Variants in TRAPPC9 observed in about 807,000 individuals in gnomAD.
TRAPPC9 encodes the protein trafficking protein particle complex subunit 9.
In TRAPPC9, 83 loss-of-function variants were observed where a neutral mutation model predicts 124.0. The ratio of observed to expected loss-of-function variants is 0.67; its 90% CI spans 0.56 to 0.80. TRAPPC9 has a LOEUF of 0.80. Among genes scored for constraint, TRAPPC9 ranks in the 30% least tolerant of loss-of-function variants. The pLI, the probability that TRAPPC9 is intolerant of heterozygous loss-of-function variation, is 0.00. For synonymous variants in TRAPPC9, 638 were observed against 617.5 expected (o/e 1.03, Z -0.49); for missense variants, 1,302 against 1,508.3 (o/e 0.86, Z 2.27).
At chr8:140,373,743 G>A (rs1452174719) in intron 7 of TRAPPC9, among the ~76,000 whole-genome samples, 2 of 151,596 alleles carry the variant, frequency 1.3e-5, no homozygotes, top group Non-Finnish European at 2.9e-5. Flanking sequence ...AGACGTTGTG[G>A]TGGCTTTAAC....
intron 17 of TRAPPC9, among the ~76,000 whole-genome samples, chr8:140,061,491 G>T (rs1013943158): frequency 6.6e-6 from 1 of 152,152 alleles, no homozygotes; most frequent in East Asian, 1.9e-4. Context: ...CACAGGCCAC[G>T]GCACAGTGAG....
At chr8:140,135,763 G>GA (rs1264507545) in intron 17 of TRAPPC9, among the ~76,000 whole-genome samples, 1 of 152,228 alleles carries the variant, frequency 6.6e-6, no homozygotes, top group Admixed American at 6.5e-5. Context: ...TTGCACATGT[G>GA]AAAATGGTTG....
chr8:140,336,168 C>T (rs1204799021), intron 9 of TRAPPC9, among the ~76,000 whole-genome samples: 1 of 152,130 alleles, frequency 6.6e-6, no homozygotes, highest in Non-Finnish European at 1.5e-5. Context: ...TTTTCTCCCC[C>T]ATGATGAAGC....
At chr8:139,766,282 G>A (rs1328830519) in intron 21 of TRAPPC9, among the ~76,000 whole-genome samples, 53 of 152,108 alleles carry the variant, frequency 3.5e-4, no homozygotes, top group Admixed American at 3.3e-3. Flanking sequence ...GAGGGGGCAG[G>A]CCAGGGAGTG....
At chr8:140,271,485 G>C (rs1312942448) in intron 15 of TRAPPC9, among the ~76,000 whole-genome samples, 2 of 152,120 alleles carry the variant, frequency 1.3e-5, no homozygotes, top group African/African-American at 2.4e-5. Flanking sequence ...CTCACACCAA[G>C]GGTATACATA....
intron 17 of TRAPPC9, among the ~76,000 whole-genome samples, chr8:140,161,125 G>A (rs916909304): frequency 6.6e-6 from 1 of 152,158 alleles, no homozygotes; most frequent in African/African-American, 2.4e-5. Context: ...TCCATCTAAA[G>A]CAAGAATGCC....
intron 17 of TRAPPC9, among the ~76,000 whole-genome samples, chr8:140,028,341 T>C (rs916661436): frequency 1.3e-5 from 2 of 152,154 alleles, no homozygotes; most frequent in Admixed American, 1.3e-4. Flanking sequence ...AAAATGTTTA[T>C]TTTCTAGGCA....
intron 6 of TRAPPC9, among the ~76,000 whole-genome samples, chr8:140,399,143 AT>A (rs2069179422): frequency 6.6e-6 from 1 of 152,226 alleles, no homozygotes; most frequent in Non-Finnish European, 1.5e-5. Context: ...ATTTCAGGAG[AT>A]GTATGGAAAC....
At chr8:140,394,448 G>C (rs1403908416) in intron 7 of TRAPPC9, among the ~76,000 whole-genome samples, 2 of 152,194 alleles carry the variant, frequency 1.3e-5, no homozygotes, top group Non-Finnish European at 2.9e-5. Flanking sequence ...ACATGAACTT[G>C]TTATCCTGTC....
intron 17 of TRAPPC9, among the ~76,000 whole-genome samples, chr8:140,050,455 A>G (rs1841916036): frequency 6.6e-6 from 1 of 152,194 alleles, no homozygotes; most frequent in Admixed American, 6.5e-5. Context: ...GAGAAGTATC[A>G]TGTTGTGCCT....
At chr8:140,064,945 C>G (rs924745224) in intron 17 of TRAPPC9, among the ~76,000 whole-genome samples, 1 of 152,206 alleles carries the variant, frequency 6.6e-6, no homozygotes, top group Non-Finnish European at 1.5e-5. Context: ...TACCTCTTCT[C>G]TACAGTGAGA....
At chr8:140,159,121 C>G (rs1380665977) in intron 17 of TRAPPC9, among the ~76,000 whole-genome samples, 1 of 152,194 alleles carries the variant, frequency 6.6e-6, no homozygotes, top group Non-Finnish European at 1.5e-5. Context: ...CTGCCCACAA[C>G]ACAGTAACCT....
intron 18 of TRAPPC9, among the ~76,000 whole-genome samples, chr8:139,996,045 T>C (rs1288955253): frequency 6.7e-6 from 1 of 149,954 alleles, no homozygotes; most frequent in Non-Finnish European, 1.5e-5. Context: ...GATGACTGTC[T>C]TATTAGAAAG....
In TRAPPC9 at chr8:140,435,099, G is replaced by A; in HGVS notation, c.859+13C>T. On this transcript the variant is annotated intron_variant, in intron 4 of 22. Coordinates refer to ENST00000438773, the MANE Select transcript of TRAPPC9 (RefSeq NM_001160372.4). ...TGCAAGTGAGCAGAGGCCGGAAAAA[G>A]GGCAGAGCTCACCTGGCCGGTGTCT... 6.2e-7 allele frequency: 1 copy of A among 1,614,194 alleles called. No homozygotes were observed.
chr8:140,084,486 C>A (rs1358756019), intron 17 of TRAPPC9, among the ~76,000 whole-genome samples: 1 of 152,212 alleles, frequency 6.6e-6, no homozygotes, highest in Non-Finnish European at 1.5e-5. Flanking sequence ...AGGATGATAT[C>A]CAGGCTCACC....
intron 18 of TRAPPC9, among the ~76,000 whole-genome samples, chr8:139,989,062 C>CG (rs1221897272): frequency 6.6e-6 from 1 of 152,150 alleles, no homozygotes; most frequent in East Asian, 1.9e-4. Flanking sequence ...TCCTTGGGCC[C>CG]GGGGTCCTGG....
intron 17 of TRAPPC9, chr8:140,095,680 G>A (rs992207118): frequency 2.0e-5 from 3 of 152,164 alleles, no homozygotes; most frequent in Non-Finnish European, 4.4e-5. Flanking sequence ...AGGGCGTGAC[G>A]TGCTAGACAC....
rs190888141 is a variant in TRAPPC9, at chr8:139,915,459, C to G, written c.2811-5159G>C. On this transcript the variant is annotated intron_variant, in intron 19 of 22. Transcript: ENST00000438773. ...ATGGGGTTTCACCATGTTGCCCAGG[C>G]TGGTCTCGAACTCCTGACTTCAAGT... 3.5e-3 allele frequency among the ~76,000 whole-genome samples: 527 copies of G among 152,272 alleles called. 2 individuals carry two copies. The highest frequency in any genetic ancestry group is 0.012 in the African/African-American group (512 of 41,552).
In TRAPPC9 at chr8:140,104,372, G is replaced by A. The variant is rs2060628949; in HGVS notation, c.2557-80293C>T. ...AGATGTTCTCGGGAGGGAGAAATATGAGGCAACATGGAATATCATCAGGAA... is the reference window on the plus strand; with the variant it reads ...AGATGTTCTCGGGAGGGAGAAATATAAGGCAACATGGAATATCATCAGGAA... On this transcript the variant is annotated intron_variant, in intron 17 of 22. Transcript: ENST00000438773. This position sits in a 1 kb window ranked among gnomAD's most constrained non-coding sequence, Gnocchi z 4.0. Among the ~76,000 whole-genome samples, 1 of 152,136 alleles carries A rather than the reference G, an allele frequency of 6.6e-6. No individual in the cohort carries two copies. Among genetic ancestry groups the A allele is most frequent in the Non-Finnish European group, 1.5e-5 (1 of 68,014 alleles).
Sources: gnomAD v4.1 joint callset for allele counts (sites outside exome capture counted in the v4.1 genomes callset) on GRCh38, gnomAD v4.1.1 for gene constraint, Gnocchi (gnomAD v3.1) non-coding constraint, MANE v1.5 for transcripts, NCBI Gene and HGNC (gene_info 2026-07-23, HGNC 2026-07-21) for gene names.